The following UNC45B variants were observed in gnomAD, a reference collection of about 807,000 sequenced individuals.
UNC45B encodes the protein protein unc-45 homolog B.
A neutral mutation model predicts 98.7 loss-of-function variants in UNC45B; 78 were observed. That is an observed-to-expected ratio of 0.79 (90% CI 0.66 to 0.95). The LOEUF is 0.95. UNC45B is among the 40% of genes least tolerant of loss of function. The pLI is 0.00. For missense variants in UNC45B, 1,225 were observed against 1,184.9 expected (o/e 1.03, Z -0.50); for synonymous variants, 462 against 480.4 (o/e 0.96, Z 0.50).
At position 35,155,227 on chromosome 17, in the gene UNC45B, TC is replaced by T. The variant is rs2142537216; in HGVS notation, c.640-68del. 4 of 1,575,410 alleles carry T rather than the reference TC, an allele frequency of 2.5e-6. No individual in the cohort carries two copies. The East Asian group carries it at 6.7e-5, about 26-fold the overall frequency. On this transcript the variant is annotated intron_variant, in intron 6 of 19. Transcript: ENST00000394570. The stretch of plus-strand genomic sequence containing the variant: ...TAGGGTGGGGAGGATTATCACACCC[TC>T]TCTAACCTGCATGGCAGCTAGAAGG...
At chr17:35,148,896 A>C in intron 2 of UNC45B, 77 bp from the exon 3 acceptor site, 1 of 1,581,680 alleles carries the variant, frequency 6.3e-7, no homozygotes. Flanking sequence ...CTCTCCCCAC[A>C]CTGTGGGGAC....
rs2092309505 is a variant in UNC45B at position 35,187,264 on chromosome 17, A to C, written c.*705A>C. Reference sequence around the variant, plus strand: ...ATCTTGGCCACCCAGGGAAGGTCTGACATTGTTAGTTAGATCCAGAGTTTC... The same window carrying C: ...ATCTTGGCCACCCAGGGAAGGTCTGCCATTGTTAGTTAGATCCAGAGTTTC... On this transcript the variant is annotated 3_prime_UTR_variant, in exon 20 of 20. Coordinates refer to ENST00000394570, the MANE Select transcript of UNC45B (RefSeq NM_001267052.2). The C allele has an allele frequency of 6.6e-6, 1 of 152,246 alleles. No homozygotes were observed. Among genetic ancestry groups the C allele is most frequent in the Admixed American group, 6.5e-5 (1 of 15,284 alleles). The allele number at this position is 152,246 out of a possible 1,614,324, so 9.4% of individuals were successfully genotyped here. A position where few individuals can be genotyped will look rare whatever the true frequency, so the allele number is the denominator to read the frequency against.
chr17:35,177,475 C>A lies in UNC45B; in HGVS notation c.2140-20C>A. On this transcript the variant is annotated intron_variant, in intron 16 of 19. Transcript: ENST00000394570. ...GAACAAAGTCCTCACCTGACCAAAC[C>A]CTTGACCCCTCCCCAACAGGTGTAT... 6.5e-7 allele frequency: 1 copy of A among 1,545,000 alleles called. No homozygotes were observed. The highest frequency in any genetic ancestry group is 8.8e-7 in the Non-Finnish European group (1 of 1,140,870).
In UNC45B at chr17:35,186,608, C is replaced by G. The variant is rs1448019096; in HGVS notation, c.*49C>G. ...GAGTGGTCCTGTACTGTGCAGAGTC[C>G]TGGGTTGGTTGGGTTCTCCTGAAGA... On this transcript the variant is annotated 3_prime_UTR_variant, in exon 20 of 20. Transcript: ENST00000394570. 2.5e-6 allele frequency: 4 copies of G among 1,591,962 alleles called. No homozygotes were observed. The highest frequency in any genetic ancestry group is 3.4e-6 in the Non-Finnish European group (4 of 1,165,714).
At chr17:35,149,973 TGGA>T in intron 3 of UNC45B, 72 bp from the exon 4 acceptor site, 15 of 1,439,596 alleles carry the variant, frequency 1.0e-5, no homozygotes, top group Non-Finnish European at 1.4e-5. Context: ...GCATGCTTCC[TGGA>T]GTTGGGGCAG....
intron 18 of UNC45B, among the ~76,000 whole-genome samples, chr17:35,181,125 G>A (rs948959874): frequency 1.3e-5 from 2 of 152,182 alleles, no homozygotes; most frequent in African/African-American, 2.4e-5. Flanking sequence ...AGCATTTAAT[G>A]AACTACCACT....
intron 9 of UNC45B, among the ~76,000 whole-genome samples, chr17:35,164,830 TC>T (rs1300911874): frequency 4.6e-5 from 7 of 151,916 alleles, no homozygotes; most frequent in Non-Finnish European, 1.0e-4. Context: ...CATGTAATCC[TC>T]CTACCTCAGC....
At chr17:35,168,855 T>A (rs2092161611) in intron 10 of UNC45B, among the ~76,000 whole-genome samples, 2 of 152,076 alleles carry the variant, frequency 1.3e-5, no homozygotes, top group African/African-American at 4.8e-5. Flanking sequence ...TACAGACGTG[T>A]GCCACCACAC....
chr17:35,174,117 TG>T, intron 13 of UNC45B, 124 bp from the exon 14 acceptor site: 1 of 1,352,538 alleles, frequency 7.4e-7, no homozygotes, highest in Non-Finnish European at 1.0e-6. Flanking sequence ...GGCCAGGCCA[TG>T]GACATCTTTG....
intron 14 of UNC45B, among the ~76,000 whole-genome samples, chr17:35,175,617 A>T (rs2092227025): frequency 6.6e-6 from 1 of 152,150 alleles, no homozygotes; most frequent in Non-Finnish European, 1.5e-5. Flanking sequence ...CCATAGGAAG[A>T]GCTGGTGCTG....
chr17:35,183,336 T>C, intron 18 of UNC45B, 91 bp from the exon 19 acceptor site: 2 of 1,360,128 alleles, frequency 1.5e-6, no homozygotes, highest in Non-Finnish European at 9.6e-7. Context: ...CTAAGAGATC[T>C]TGGGTCAGAG....
chr17:35,158,179 T>C (rs528729363), intron 7 of UNC45B, among the ~76,000 whole-genome samples: 1 of 152,248 alleles, frequency 6.6e-6, no homozygotes, highest in Non-Finnish European at 1.5e-5. Context: ...CCTGAAGTCC[T>C]GGATTCTTGA....
At chr17:35,173,417 C>T (rs1179013642) in intron 13 of UNC45B, among the ~76,000 whole-genome samples, 2 of 152,092 alleles carry the variant, frequency 1.3e-5, no homozygotes, top group Admixed American at 6.5e-5. Flanking sequence ...GGAGCCACCA[C>T]GCCTGGCCCG....
At chr17:35,180,253 T>TGAGAGAGAGAGAGAGAGAGAGAGAGAGA (rs56300196) in intron 17 of UNC45B, among the ~76,000 whole-genome samples, 2 of 139,856 alleles carry the variant, frequency 1.4e-5, no homozygotes, top group East Asian at 2.3e-4. Context: ...ACATCCAGGA[T>TGAGAGAGAGAGAGAGAGAGAGAGAGAGA]GAGAGAGAGA....
In UNC45B at chr17:35,189,197, G is replaced by A. The variant is rs2092319594; in HGVS notation, c.*2638G>A. 6.6e-6 allele frequency: 1 copy of A among 152,086 alleles called. No homozygotes were observed. The highest frequency in any genetic ancestry group is 6.5e-5 in the Admixed American group (1 of 15,276). The allele number at this position is 152,086 out of a possible 1,614,324, so 9.4% of individuals were successfully genotyped here. A position where few individuals can be genotyped will look rare whatever the true frequency, so the allele number is the denominator to read the frequency against. The stretch of plus-strand genomic sequence containing the variant: ...ATGTTGTTATCAGAGAACTTGGTCT[G>A]TGTCATATTAATCCTTTGCCATTTG... On this transcript the variant is annotated 3_prime_UTR_variant, in exon 20 of 20. Transcript: ENST00000394570.
chr17:35,155,650 A>G (rs1223681327), intron 7 of UNC45B, among the ~76,000 whole-genome samples, 186 bp downstream of exon 7: 1 of 152,130 alleles, frequency 6.6e-6, no homozygotes, highest in Admixed American at 6.5e-5. Context: ...ATCTAGACTC[A>G]CTGCAACCTC....
chr17:35,158,985 G>A (rs552665901), intron 7 of UNC45B, among the ~76,000 whole-genome samples: 7 of 152,194 alleles, frequency 4.6e-5, no homozygotes, highest in South Asian at 2.1e-4. Flanking sequence ...AATCTGTGGG[G>A]AGTGAAATGT....
intron 13 of UNC45B, among the ~76,000 whole-genome samples, chr17:35,172,032 G>A (rs760217334): frequency 8.6e-5 from 13 of 152,020 alleles, no homozygotes; most frequent in Non-Finnish European, 1.8e-4. Context: ...GCTGCAAAAC[G>A]AGTTAAAATG....
chr17:35,176,884 G>A, intron 15 of UNC45B, 133 bp from the exon 16 acceptor site: 4 of 653,954 alleles, frequency 6.1e-6, no homozygotes, highest in Non-Finnish European at 1.1e-5. Context: ...TTTCCATGAT[G>A]TGCAAGGGCT....
Sources: allele counts gnomAD v4.1 joint callset (sites outside exome capture counted in the v4.1 genomes callset), GRCh38; gene constraint gnomAD v4.1.1; transcripts MANE v1.5; gene names NCBI Gene and HGNC (gene_info 2026-07-23, HGNC 2026-07-21).